The following RIGI variants were observed in gnomAD, a reference collection of about 807,000 sequenced individuals.
The protein encoded by RIGI is antiviral innate immune response receptor RIG-I.
the RIGI span, chr9:32,491,203 C>A: frequency 2.1e-6 from 3 of 1,408,446 alleles, no homozygotes; most frequent in South Asian, 4.1e-5. Flanking sequence ...CCTTACAAAA[C>A]TTTTCACAAG....
At chr9:32,509,761 T>C in the RIGI span, among the ~76,000 whole-genome samples, 1 of 151,886 alleles carries the variant, frequency 6.6e-6, no homozygotes, top group African/African-American at 2.4e-5. Context: ...AGAAGTAGGC[T>C]TCAGAAGGTG....
the RIGI span, chr9:32,485,520 C>A: frequency 5.7e-6 from 3 of 522,596 alleles, no homozygotes; most frequent in East Asian, 4.3e-5. Context: ...TGGTGTAGGT[C>A]TAACTAGCTT....
At chr9:32,489,742 G>C in the RIGI span, among the ~76,000 whole-genome samples, 1 of 151,966 alleles carries the variant, frequency 6.6e-6, no homozygotes, top group African/African-American at 2.4e-5. Context: ...CCCATTCAGG[G>C]TAAGACAAGC....
the RIGI span, among the ~76,000 whole-genome samples, chr9:32,459,931 G>C: frequency 6.6e-6 from 1 of 152,204 alleles, no homozygotes; most frequent in African/African-American, 2.4e-5. Flanking sequence ...ACAACAGGCA[G>C]AAGAGCCCCT....
At chr9:32,476,982 C>T in the RIGI span, 46 of 1,609,962 alleles carry the variant, frequency 2.9e-5, no homozygotes, top group South Asian at 1.1e-4. Context: ...AAAAAGCTTA[C>T]GTCCACAAGT....
chr9:32,526,060 C>A, the RIGI span: 1 of 1,611,318 alleles, frequency 6.2e-7, no homozygotes, highest in South Asian at 1.1e-5. Context: ...GAGACACTCA[C>A]CCTCCCTAAA....
the RIGI span, among the ~76,000 whole-genome samples, chr9:32,478,856 G>C: frequency 6.6e-6 from 1 of 152,036 alleles, no homozygotes; most frequent in Admixed American, 6.6e-5. Flanking sequence ...CACCATGCCC[G>C]GCTTAATTTA....
chr9:32,485,283 G>A, the RIGI span: 12 of 1,550,762 alleles, frequency 7.7e-6, no homozygotes, highest in South Asian at 1.1e-4. Context: ...CTGAAAACTA[G>A]AGACGTCAAA....
At chr9:32,498,322 G>T in the RIGI span, 2 of 456,696 alleles carry the variant, frequency 4.4e-6, no homozygotes, top group South Asian at 3.1e-5. Context: ...CTGCCCAGGT[G>T]CATGCTTCTA....
the RIGI span, chr9:32,467,937 G>C: frequency 1.3e-6 from 2 of 1,579,316 alleles, no homozygotes; most frequent in Non-Finnish European, 1.7e-6. Flanking sequence ...TCATTCCTGT[G>C]TCAGAGTAAG....
At chr9:32,467,908 C>A in the RIGI span, 3 of 1,605,004 alleles carry the variant, frequency 1.9e-6, no homozygotes, top group Non-Finnish European at 2.6e-6. Context: ...ATCCAATATA[C>A]ACTTCTGTGC....
At chr9:32,504,401 G>C in the RIGI span, among the ~76,000 whole-genome samples, 4 of 152,046 alleles carry the variant, frequency 2.6e-5, no homozygotes, top group Non-Finnish European at 5.9e-5. Flanking sequence ...GTCACAGCCC[G>C]GCACAGTGGC....
chr9:32,484,979 A>G, the RIGI span, among the ~76,000 whole-genome samples: 5 of 152,168 alleles, frequency 3.3e-5, no homozygotes, highest in Non-Finnish European at 5.9e-5. Flanking sequence ...CTTACTTTGG[A>G]TTTAAAAGGA....
the RIGI span, chr9:32,487,614 G>A: frequency 1.8e-5 from 29 of 1,614,056 alleles, no homozygotes; most frequent in Non-Finnish European, 2.3e-5. Context: ...AACACCAACC[G>A]AGGCAGTCAG....
At chr9:32,456,899 A>T in the RIGI span, 2 of 490,742 alleles carry the variant, frequency 4.1e-6, no homozygotes, top group Non-Finnish European at 7.2e-6. Flanking sequence ...GAGGCTTTTT[A>T]ATTTTTCCCA....
the RIGI span, chr9:32,476,916 C>T: frequency 7.2e-7 from 1 of 1,388,138 alleles, no homozygotes; most frequent in Admixed American, 2.1e-5. Flanking sequence ...GACACCATAC[C>T]CAGCCCAATC....
chr9:32,455,815 ACT>A, the RIGI span: 2 of 152,092 alleles, frequency 1.3e-5, no homozygotes, highest in Non-Finnish European at 2.9e-5. Context: ...TTAATTAAAA[ACT>A]CTCCACTAAC....
At chr9:32,503,584 C>A in the RIGI span, among the ~76,000 whole-genome samples, 1 of 152,170 alleles carries the variant, frequency 6.6e-6, no homozygotes, top group Admixed American at 6.5e-5. Context: ...GTGGGCCTGT[C>A]TTCCACCTGA....
chr9:32,474,851 G>A, the RIGI span, among the ~76,000 whole-genome samples: 2 of 152,066 alleles, frequency 1.3e-5, no homozygotes, highest in African/African-American at 2.4e-5. Context: ...TAACTAATAC[G>A]GAAGCCATAT....
Sources: allele counts gnomAD v4.1 joint callset (sites outside exome capture counted in the v4.1 genomes callset), GRCh38; gene constraint gnomAD v4.1.1; transcripts MANE v1.5; gene names NCBI Gene and HGNC (gene_info 2026-07-23, HGNC 2026-07-21).